Variants in DSCAML1 observed in about 807,000 individuals in gnomAD.
The protein encoded by DSCAML1 is DS cell adhesion molecule like 1.
In DSCAML1, 38 loss-of-function variants were observed where a neutral mutation model predicts 200.5. The observed-to-expected ratio is 0.19, with a 90% CI of 0.15 to 0.25. The LOEUF (loss-of-function observed/expected upper bound fraction) is 0.25. Among genes scored for constraint, DSCAML1 ranks in the 10% least tolerant of loss-of-function variants. DSCAML1 has a pLI of 1.00. For missense variants in DSCAML1, 2,223 were observed against 2,858.8 expected, an observed-to-expected ratio of 0.78 and a Z score of 5.07; for synonymous variants, 1,215 against 1,165.0, an observed-to-expected ratio of 1.04 and a Z score of -0.87.
intron 6 of DSCAML1, among the ~76,000 whole-genome samples, chr11:117,519,476 G>A (rs1330152509): frequency 2.6e-5 from 4 of 152,160 alleles, no homozygotes; most frequent in African/African-American, 7.2e-5. Context: ...ATTAACCCTG[G>A]CCATCCTTCC....
At chr11:117,810,742 C>T (rs1182084088) in intron 1 of DSCAML1, among the ~76,000 whole-genome samples, 2 of 152,188 alleles carry the variant, frequency 1.3e-5, no homozygotes, top group Admixed American at 6.5e-5. Flanking sequence ...TTTTTCCATC[C>T]TACAAGAGCT....
chr11:117,609,614 T>G (rs2051647165), intron 3 of DSCAML1, among the ~76,000 whole-genome samples: 1 of 152,180 alleles, frequency 6.6e-6, no homozygotes, highest in Non-Finnish European at 1.5e-5. Flanking sequence ...ACCATGCTGA[T>G]TTTTTCCTCT....
intron 11 of DSCAML1, among the ~76,000 whole-genome samples, chr11:117,495,029 C>G (rs2049263939): frequency 6.6e-6 from 1 of 152,198 alleles, no homozygotes; most frequent in South Asian, 2.1e-4. Flanking sequence ...TACTTTGTGA[C>G]AGCAGCCACT....
intron 3 of DSCAML1, among the ~76,000 whole-genome samples, chr11:117,613,402 G>A (rs1429786062): frequency 6.6e-6 from 1 of 152,108 alleles, no homozygotes; most frequent in East Asian, 1.9e-4. Context: ...GCTTAAAGGG[G>A]AAAGGTGAAG....
Position 117,640,128 on chromosome 11 carries a change from C to T in DSCAML1, c.512-107606G>A, listed in dbSNP as rs548157257. On this transcript the variant is annotated intron_variant, in intron 3 of 32. Coordinates refer to ENST00000651296, the MANE Select transcript of DSCAML1 (RefSeq NM_020693.4). ...AGTTCCCAAATACACAGCAAAGCCC[C>T]AGCTCAGGTCTCAGTGCTTGGGCTG... 2.0e-5 allele frequency among the ~76,000 whole-genome samples: 3 copies of T among 152,320 alleles called. No individual in the cohort carries two copies. In the East Asian group the frequency reaches 5.8e-4, roughly 29 times the overall value.
intron 3 of DSCAML1, among the ~76,000 whole-genome samples, chr11:117,624,121 C>T (rs2051995647): frequency 6.6e-6 from 1 of 152,290 alleles, no homozygotes; most frequent in African/African-American, 2.4e-5. Flanking sequence ...TTTCTTTTTA[C>T]CATTTGTTGG....
intron 3 of DSCAML1, among the ~76,000 whole-genome samples, chr11:117,549,811 G>A (rs2050438708): frequency 6.6e-6 from 1 of 152,136 alleles, no homozygotes; most frequent in Non-Finnish European, 1.5e-5. Flanking sequence ...CAGCTATTTT[G>A]AACCTCTGCT....
At chr11:117,486,382 G>A (rs2049061117) in intron 11 of DSCAML1, among the ~76,000 whole-genome samples, 1 of 151,186 alleles carries the variant, frequency 6.6e-6, no homozygotes, top group South Asian at 2.1e-4. Context: ...ATGTGAAAAT[G>A]GCGGATGTGA....
rs368813807 is a variant in DSCAML1, at chr11:117,811,038, C to A, written c.-250+6352G>T. Reference sequence around the variant, plus strand: ...CCACCCTGTAATCTTTTTATCGCCTCTCCTCCTCACACCCGGTCTGACTTA... The same window carrying A: ...CCACCCTGTAATCTTTTTATCGCCTATCCTCCTCACACCCGGTCTGACTTA... On this transcript the variant is annotated intron_variant, in intron 1 of 2. Transcript: ENST00000525836. 8.5e-5 allele frequency among the ~76,000 whole-genome samples: 13 copies of A among 152,220 alleles called. No homozygotes were observed. The East Asian group carries it at 2.3e-3, about 27-fold the overall frequency.
chr11:117,777,294 G>A (rs1426692719), intron 2 of DSCAML1, among the ~76,000 whole-genome samples: 2 of 152,310 alleles, frequency 1.3e-5, no homozygotes, highest in African/African-American at 4.8e-5. Context: ...GCCCTGCAAT[G>A]TTATATTCAC....
intron 4 of DSCAML1, among the ~76,000 whole-genome samples, chr11:117,525,703 G>A (rs547515279): frequency 1.3e-5 from 2 of 152,178 alleles, no homozygotes; most frequent in Admixed American, 6.5e-5. Context: ...CGGGTGATCC[G>A]CCTGCCTTGG....
chr11:117,780,786 C>T lies in DSCAML1; in HGVS notation c.71G>A (p.Ser24Asn). ...HKARPEDVGT[S>N]LYFVNDSLQQ... is the part of the protein sequence containing the mutation. The stretch of plus-strand genomic sequence containing the variant: ...CAAGGAGTCATTTACAAAGTAGAGG[C>T]TGGTGCCAACATCTTCAGGGCGGGC... Residue 24 changes from serine (S) to asparagine (N), a missense_variant, in exon 2 of 33, where the codon AGC becomes AAC. By Grantham distance (46) the Ser-to-Asn change is conservative. Coordinates refer to ENST00000651296, the MANE Select transcript of DSCAML1 (RefSeq NM_020693.4). This position sits in a 1 kb window ranked among gnomAD's most constrained non-coding sequence, Gnocchi z 4.8. The T allele has an allele frequency of 6.8e-7, 1 of 1,476,904 alleles. No homozygotes were observed. Among genetic ancestry groups the T allele is most frequent in the Non-Finnish European group, 9.0e-7 (1 of 1,115,440 alleles). The allele number at this position is 1,476,904 out of a possible 1,614,324, so 91.5% of individuals were successfully genotyped here. A position where few individuals can be genotyped will look rare whatever the true frequency, so the allele number is the denominator to read the frequency against.
At chr11:117,632,096 C>T (rs1280837007) in intron 3 of DSCAML1, among the ~76,000 whole-genome samples, 1 of 152,244 alleles carries the variant, frequency 6.6e-6, no homozygotes, top group East Asian at 1.9e-4. Context: ...AGTCCTATCC[C>T]TGCTCAGCAG....
chr11:117,463,339 G>A lies in DSCAML1; in HGVS notation c.3265+1603C>T, dbSNP rs1445882740. Among the ~76,000 whole-genome samples the A allele has an allele frequency of 6.6e-6, 1 of 151,916 alleles. No homozygotes were observed. Among genetic ancestry groups the A allele is most frequent in the Non-Finnish European group, 1.5e-5 (1 of 67,996 alleles). ...GCTCCCTGGACAAGCAGCATTACCT[G>A]GGAACTTATTAGAAATAATACATCC... On this transcript the variant is annotated intron_variant, in intron 17 of 32. Coordinates refer to ENST00000651296, the MANE Select transcript of DSCAML1 (RefSeq NM_020693.4). The surrounding 1 kb of genome is among the most constrained non-coding windows in gnomAD (Gnocchi z 4.0).
At chr11:117,719,236 A>G (rs2054005542) in intron 3 of DSCAML1, among the ~76,000 whole-genome samples, 1 of 152,194 alleles carries the variant, frequency 6.6e-6, no homozygotes, top group Non-Finnish European at 1.5e-5. Flanking sequence ...GGAGTTCGAG[A>G]TCAGCCTGGC....
chr11:117,540,958 T>C (rs1246414055), intron 3 of DSCAML1, among the ~76,000 whole-genome samples: 1 of 152,210 alleles, frequency 6.6e-6, no homozygotes, highest in Admixed American at 6.5e-5. Context: ...CGTAGGGGAT[T>C]TCAGTCTTGA....
intron 19 of DSCAML1, among the ~76,000 whole-genome samples, chr11:117,458,344 G>T (rs2048414430): frequency 6.6e-6 from 1 of 152,162 alleles, no homozygotes; most frequent in Non-Finnish European, 1.5e-5. Flanking sequence ...GCCTCTGTGG[G>T]GTGACCACAA....
chr11:117,582,031 T>C (rs1014311913), intron 3 of DSCAML1, among the ~76,000 whole-genome samples: 1 of 152,108 alleles, frequency 6.6e-6, no homozygotes, highest in African/African-American at 2.4e-5. Context: ...GATCCCATGA[T>C]CATCGGATGC....
In DSCAML1 at chr11:117,504,165, A is replaced by T; in HGVS notation, c.2183-144T>A. 1 of 971,290 alleles carries T rather than the reference A, an allele frequency of 1.0e-6. No individual in the cohort carries two copies. The highest frequency in any genetic ancestry group is 1.5e-6 in the Non-Finnish European group (1 of 668,082). 60.2% of individuals were successfully genotyped at this position (971,290 alleles called of 1,614,324 possible). ...GCACCATCCCCAAAGTGCTGAGGCC[A>T]CATGGCTCCTGGTGGGCAACAGGAA... On this transcript the variant is annotated intron_variant, in intron 10 of 32. Transcript: ENST00000651296. The surrounding 1 kb of genome is among the most constrained non-coding windows in gnomAD (Gnocchi z 5.0).
Sources: allele counts gnomAD v4.1 joint callset (sites outside exome capture counted in the v4.1 genomes callset), GRCh38; gene constraint gnomAD v4.1.1; non-coding constraint Gnocchi (gnomAD v3.1); transcripts MANE v1.5; gene names NCBI Gene and HGNC (gene_info 2026-07-23, HGNC 2026-07-21).